Variants in MRPS5 observed in about 807,000 individuals in gnomAD.
MRPS5 encodes the protein mitochondrial ribosomal protein S5.
A neutral mutation model predicts 51.9 loss-of-function variants in MRPS5; 27 were observed. The observed-to-expected ratio is 0.52, with a 90% CI of 0.38 to 0.72. The LOEUF (loss-of-function observed/expected upper bound fraction) is 0.72, where lower values mean the gene tolerates loss of function less well. Ranked by LOEUF, MRPS5 falls within the 30% of genes least tolerant of loss-of-function variation. The pLI is 0.00. For synonymous variants in MRPS5, 196 were observed against 193.2 expected, an observed-to-expected ratio of 1.01 and a Z score of -0.12; for missense variants, 570 against 545.7, an observed-to-expected ratio of 1.04 and a Z score of -0.44.
Position 95,086,850 on chromosome 2 carries a change from G to A in MRPS5, c.*507C>T, listed in dbSNP as rs1418611294. Among the ~76,000 whole-genome samples, 1 of 152,140 alleles carries A rather than the reference G, an allele frequency of 6.6e-6. No individual in the cohort carries two copies. Among genetic ancestry groups the A allele is most frequent in the Non-Finnish European group, 1.5e-5 (1 of 68,016 alleles). ...ATCATCAGCCATCAGGGAAATACAA[G>A]TCAAAATTGCAATGGTATACAATTA... On this transcript the variant is annotated 3_prime_UTR_variant, in exon 12 of 12. Coordinates refer to ENST00000272418, the MANE Select transcript of MRPS5 (RefSeq NM_031902.5).
chr2:95,116,856 G>C (rs1676298296), intron 2 of MRPS5, among the ~76,000 whole-genome samples: 1 of 152,198 alleles, frequency 6.6e-6, no homozygotes, highest in Non-Finnish European at 1.5e-5. Context: ...AATTAGCTGG[G>C]TGTGGTGGCA....
chr2:95,108,598 ACACT>A (rs1676022563), intron 4 of MRPS5, among the ~76,000 whole-genome samples, 190 bp from the exon 5 acceptor site: 1 of 152,198 alleles, frequency 6.6e-6, no homozygotes, highest in Non-Finnish European at 1.5e-5. Flanking sequence ...ACCTAGAGAA[ACACT>A]CACATACAGG....
At chr2:95,100,667 G>A in intron 9 of MRPS5, 131 bp from the exon 10 acceptor site, 3 of 883,624 alleles carry the variant, frequency 3.4e-6, no homozygotes, top group Non-Finnish European at 5.2e-6. Flanking sequence ...GGTAAGCTCT[G>A]ATTTCATTCA....
intron 7 of MRPS5, chr2:95,103,736 C>T (rs1675867769): frequency 6.6e-6 from 1 of 152,000 alleles, no homozygotes; most frequent in Non-Finnish European, 1.5e-5. Flanking sequence ...ACTTTGCAAC[C>T]AGTACAACGA....
rs538441975 is a variant in MRPS5 at position 95,101,200 on chromosome 2, A to G, written c.811-306T>C. On this transcript the variant is annotated intron_variant, in intron 8 of 11. Transcript: ENST00000272418. ...GGAGTTCGAGACCAGTCTGACCAAC[A>G]TGGAGAAACCACATCTCTACCAAAA... Among the ~76,000 whole-genome samples, 150 of 152,228 alleles carry G rather than the reference A, an allele frequency of 9.9e-4. 1 individual carries two copies. The highest frequency in any genetic ancestry group is 3.4e-3 in the African/African-American group (143 of 41,550).
At chr2:95,090,299 C>T (rs1682529474) in intron 11 of MRPS5, 87 bp downstream of exon 11, 1 of 1,439,286 alleles carries the variant, frequency 6.9e-7, no homozygotes, top group Non-Finnish European at 9.4e-7. Flanking sequence ...GAAAGCATCT[C>T]CAGGAGGCCC....
chr2:95,102,929 CTG>C (rs1176106437), intron 7 of MRPS5, among the ~76,000 whole-genome samples: 1 of 152,112 alleles, frequency 6.6e-6, no homozygotes, highest in African/African-American at 2.4e-5. Context: ...TAAAACAATA[CTG>C]CTCTATAAGA....
At chr2:95,094,135 A>T (rs1675548407) in intron 10 of MRPS5, among the ~76,000 whole-genome samples, 1 of 152,236 alleles carries the variant, frequency 6.6e-6, no homozygotes, top group African/African-American at 2.4e-5. Flanking sequence ...AAAGGGTATC[A>T]GTGATTGAAG....
At chr2:95,103,852 T>C (rs1341206610) in intron 7 of MRPS5, 5 of 152,190 alleles carry the variant, frequency 3.3e-5, no homozygotes, top group Non-Finnish European at 4.4e-5. Context: ...TCCCTTTATG[T>C]AAATTTTTTA....
At chr2:95,090,754 C>A in intron 10 of MRPS5, 1 of 486,884 alleles carries the variant, frequency 2.1e-6, no homozygotes, top group Non-Finnish European at 3.7e-6. Flanking sequence ...ATATCTTGAA[C>A]ACATTTTGAG....
chr2:95,087,665 T>C, intron 11 of MRPS5, 84 bp from the exon 12 acceptor site: 1 of 1,185,740 alleles, frequency 8.4e-7, no homozygotes, highest in East Asian at 2.4e-5. Flanking sequence ...GCCACAACAG[T>C]ACAGCCTGGG....
At position 95,100,869 on chromosome 2, in the gene MRPS5, A is replaced by G; in HGVS notation, c.836T>C (p.Leu279Ser). Reference sequence around the variant, plus strand: ...GTCTTCATATCGTTCTATATAATGCAAATGGTGAACTGCTCTGTTCTTTGC... The same window carrying G: ...GTCTTCATATCGTTCTATATAATGCGAATGGTGAACTGCTCTGTTCTTTGC... ...RKAKNRAVHH[L>S]HYIERYEDHT... is the part of the protein sequence containing the mutation. The change falls in exon 9 of 12, where the codon TTG (leucine) becomes TCG (serine). Residue 279 changes from leucine to serine, a missense_variant. Coordinates refer to ENST00000272418, the MANE Select transcript of MRPS5 (RefSeq NM_031902.5). 2 of 1,609,250 alleles carry G rather than the reference A, an allele frequency of 1.2e-6. No individual in the cohort carries two copies. Among genetic ancestry groups the G allele is most frequent in the Non-Finnish European group, 1.7e-6 (2 of 1,178,846 alleles).
At chr2:95,090,353 G>C in intron 11 of MRPS5, 33 bp downstream of exon 11, 2 of 1,610,238 alleles carry the variant, frequency 1.2e-6, no homozygotes, top group African/African-American at 2.7e-5. Context: ...ATACAAACTA[G>C]AACCTCTGTT....
intron 3 of MRPS5, among the ~76,000 whole-genome samples, chr2:95,111,493 A>C (rs2104422082): frequency 6.6e-6 from 1 of 152,318 alleles, no homozygotes; most frequent in Non-Finnish European, 1.5e-5. Flanking sequence ...AAAATGTAAA[A>C]AGACTGAATT....
At chr2:95,099,529 T>C (rs1294644539) in intron 10 of MRPS5, among the ~76,000 whole-genome samples, 1 of 152,196 alleles carries the variant, frequency 6.6e-6, no homozygotes, top group Non-Finnish European at 1.5e-5. Flanking sequence ...TGGTGTGTAT[T>C]TGATAATTAG....
At position 95,117,860 on chromosome 2, in the gene MRPS5, C is replaced by T. The variant is rs1676329928; in HGVS notation, c.139+5G>A. The T allele has an allele frequency of 6.3e-7, 1 of 1,599,022 alleles. No individual in the cohort carries two copies. Among genetic ancestry groups the T allele is most frequent in the Non-Finnish European group, 8.5e-7 (1 of 1,175,108 alleles). On this transcript the variant is annotated splice_donor_5th_base_variant and intron_variant, in intron 2 of 11. Transcript: ENST00000272418. ...AGAAAAGGTAGTAGCATTAATGAATCTCACCATTGCCGAGAACACTCTTCC... is the reference window on the plus strand; with the variant it reads ...AGAAAAGGTAGTAGCATTAATGAATTTCACCATTGCCGAGAACACTCTTCC...
At chr2:95,116,928 G>A (rs1427496589) in intron 2 of MRPS5, among the ~76,000 whole-genome samples, 1 of 152,120 alleles carries the variant, frequency 6.6e-6, no homozygotes, top group Admixed American at 6.5e-5. Context: ...ATCACTTGAG[G>A]TCAGGAGTTC....
intron 10 of MRPS5, chr2:95,090,767 C>A: frequency 4.5e-6 from 2 of 444,380 alleles, no homozygotes; most frequent in Non-Finnish European, 8.1e-6. Flanking sequence ...ATTTTGAGGG[C>A]AAAAAAACAG....
intron 4 of MRPS5, 80 bp from the exon 5 acceptor site, chr2:95,108,488 C>G: frequency 8.7e-7 from 1 of 1,144,186 alleles, no homozygotes; most frequent in Non-Finnish European, 1.2e-6. Context: ...AATGCATGTA[C>G]AGATAATGAT....
Sources: gnomAD v4.1 joint callset for allele counts (sites outside exome capture counted in the v4.1 genomes callset) on GRCh38, gnomAD v4.1.1 for gene constraint, MANE v1.5 for transcripts, NCBI Gene and HGNC (gene_info 2026-07-23, HGNC 2026-07-21) for gene names.